The following SUPT3H variants were observed in gnomAD, a reference collection of about 807,000 sequenced individuals.
SUPT3H encodes SPT3 homolog, SAGA and STAGA complex component, also known as transcription initiation protein SPT3 homolog.
SUPT3H carries 44 observed loss-of-function variants against 44.3 expected under a neutral mutation model. That is an observed-to-expected ratio of 0.99 (90% CI 0.78 to 1.28). SUPT3H has a LOEUF of 1.28. SUPT3H is among the 50% of genes most tolerant of loss of function. SUPT3H has a pLI of 0.00. For synonymous variants in SUPT3H, 124 were observed against 125.6 expected, an observed-to-expected ratio of 0.99 and a Z score of 0.09; for missense variants, 380 against 387.1, an observed-to-expected ratio of 0.98 and a Z score of 0.15.
At chr6:44,842,837 T>C (rs932202827) in intron 10 of SUPT3H, among the ~76,000 whole-genome samples, 3 of 151,800 alleles carry the variant, frequency 2.0e-5, no homozygotes, top group African/African-American at 4.8e-5. Context: ...CATGCTCACA[T>C]CAGAATGAAT....
chr6:45,107,790 A>C (rs1386319989), intron 2 of SUPT3H, among the ~76,000 whole-genome samples: 2 of 152,234 alleles, frequency 1.3e-5, no homozygotes, highest in Admixed American at 1.3e-4. Flanking sequence ...ATCAAGAATG[A>C]GAGTGAGCAG....
intron 2 of SUPT3H, among the ~76,000 whole-genome samples, chr6:45,284,777 C>T (rs531798027): frequency 6.6e-6 from 1 of 152,246 alleles, no homozygotes; most frequent in South Asian, 2.1e-4. Context: ...CAAAGACTAG[C>T]AGAGACACAA....
At chr6:45,104,771 A>C (rs1383609637) in intron 3 of SUPT3H, among the ~76,000 whole-genome samples, 1 of 152,086 alleles carries the variant, frequency 6.6e-6, no homozygotes, top group Non-Finnish European at 1.5e-5. Flanking sequence ...ACAACTGAAA[A>C]ACACAAAAGT....
downstream of SUPT3H, among the ~76,000 whole-genome samples, chr6:44,826,043 A>G (rs563504234): frequency 1.6e-3 from 239 of 152,214 alleles, no homozygotes; most frequent in Non-Finnish European, 2.6e-3. Context: ...CTGGAAAACA[A>G]ATGCAAGTCT....
chr6:45,092,948 T>C (rs533278388), intron 3 of SUPT3H, among the ~76,000 whole-genome samples: 70 of 152,156 alleles, frequency 4.6e-4, no homozygotes, highest in African/African-American at 1.6e-3. Context: ...ACGACTAGAA[T>C]TGAAATTATC....
chr6:45,279,421 C>T (rs1453608812), intron 2 of SUPT3H, among the ~76,000 whole-genome samples: 1 of 152,082 alleles, frequency 6.6e-6, no homozygotes, highest in African/African-American at 2.4e-5. Context: ...GGAGGTGGGG[C>T]CTGGCAGGAA....
At chr6:45,258,442 A>G (rs1281096496) in intron 2 of SUPT3H, among the ~76,000 whole-genome samples, 1 of 152,206 alleles carries the variant, frequency 6.6e-6, no homozygotes, top group Non-Finnish European at 1.5e-5. Flanking sequence ...AGAAAGGTAA[A>G]TCTTGATCAG....
rs114253666 is a variant in SUPT3H, at chr6:45,195,407, T to C, written c.102-89401A>G. Among the ~76,000 whole-genome samples, 960 of 152,228 alleles carry C rather than the reference T, an allele frequency of 6.3e-3. 15 individuals carry two copies. The highest frequency in any genetic ancestry group is 0.02 in the African/African-American group (838 of 41,552). ...CCAGAGGCATTTAGGAACCCCTGAA[T>C]TGTCTGCTGTCAAGAACAACCTTGT... is the stretch of plus-strand genomic sequence containing the variant. On this transcript the variant is annotated intron_variant, in intron 2 of 10. Coordinates refer to ENST00000371459, the MANE Select transcript of SUPT3H (RefSeq NM_003599.4).
intron 10 of SUPT3H, among the ~76,000 whole-genome samples, chr6:44,835,814 T>C (rs981389910): frequency 4.6e-5 from 7 of 152,084 alleles, no homozygotes; most frequent in African/African-American, 9.7e-5. Context: ...ATCTCTCTTC[T>C]GGTAGAAGAG....
chr6:45,043,177 A>G (rs1167782194), intron 3 of SUPT3H, among the ~76,000 whole-genome samples: 2 of 149,972 alleles, frequency 1.3e-5, no homozygotes, highest in African/African-American at 2.5e-5. Flanking sequence ...ACACGCACAC[A>G]CACAAACACC....
intron 2 of SUPT3H, among the ~76,000 whole-genome samples, chr6:45,197,987 T>C (rs1463623600): frequency 1.3e-5 from 2 of 151,232 alleles, no homozygotes; most frequent in Non-Finnish European, 3.0e-5. Context: ...TACTGTTTAA[T>C]AACCCAAACT....
At chr6:44,842,493 G>C (rs542895709) in intron 10 of SUPT3H, among the ~76,000 whole-genome samples, 1 of 152,028 alleles carries the variant, frequency 6.6e-6, no homozygotes, top group Non-Finnish European at 1.5e-5. Context: ...GAGATCATGA[G>C]GCTAGTCAGT....
intron 2 of SUPT3H, among the ~76,000 whole-genome samples, chr6:45,179,540 G>A (rs1191875339): frequency 6.6e-6 from 1 of 152,128 alleles, no homozygotes; most frequent in East Asian, 1.9e-4. Flanking sequence ...ATGATCAAGT[G>A]GGCTTCATCC....
intron 2 of SUPT3H, among the ~76,000 whole-genome samples, chr6:45,158,228 ATAG>A (rs1808199081): frequency 7.5e-6 from 1 of 133,702 alleles, no homozygotes; most frequent in Non-Finnish European, 1.5e-5. Context: ...AGATAGATAG[ATAG>A]ATAGATAGAT....
intron 2 of SUPT3H, among the ~76,000 whole-genome samples, chr6:45,202,759 T>TA (rs1168914191): frequency 3.9e-5 from 6 of 152,258 alleles, no homozygotes; most frequent in African/African-American, 1.4e-4. Flanking sequence ...CATTTATAAA[T>TA]AATATACAAT....
At chr6:44,923,116 T>C (rs1266006731) in intron 10 of SUPT3H, among the ~76,000 whole-genome samples, 1 of 152,148 alleles carries the variant, frequency 6.6e-6, no homozygotes, top group African/African-American at 2.4e-5. Context: ...CTTGCACTCA[T>C]GATCAAATTC....
chr6:44,907,679 A>G (rs927408094), intron 10 of SUPT3H, among the ~76,000 whole-genome samples: 9 of 152,220 alleles, frequency 5.9e-5, no homozygotes, highest in African/African-American at 9.7e-5. Flanking sequence ...CTCTGTCTCA[A>G]AAAAGGAAAA....
intron 10 of SUPT3H, among the ~76,000 whole-genome samples, chr6:44,855,016 T>C (rs994493097): frequency 1.3e-5 from 2 of 152,180 alleles, no homozygotes; most frequent in Admixed American, 1.3e-4. Context: ...AAAACAATCA[T>C]AGAGTTCATT....
At chr6:45,035,177 C>T (rs1787491460) in intron 3 of SUPT3H, among the ~76,000 whole-genome samples, 1 of 152,116 alleles carries the variant, frequency 6.6e-6, no homozygotes, top group South Asian at 2.1e-4. Flanking sequence ...CAGATGTACT[C>T]TTAAAATGCA....
Sources: allele counts gnomAD v4.1 joint callset (sites outside exome capture counted in the v4.1 genomes callset), GRCh38; gene constraint gnomAD v4.1.1; transcripts MANE v1.5; gene names NCBI Gene and HGNC (gene_info 2026-07-23, HGNC 2026-07-21).